Variants in CLUH observed in about 807,000 individuals in gnomAD.
CLUH encodes the protein clustered mitochondria protein homolog.
Under a neutral mutation model 139.3 loss-of-function variants are expected in CLUH, and 77 were observed. The observed-to-expected ratio is 0.55, with a 90% confidence interval of 0.46 to 0.67. The LOEUF (loss-of-function observed/expected upper bound fraction) is 0.67. Among genes scored for constraint, CLUH ranks in the 30% least tolerant of loss-of-function variants. The probability of loss-of-function intolerance (pLI) is 0.00; values close to 1 mark genes in which losing one functional copy is unlikely to be tolerated. For missense variants in CLUH, 1,876 were observed against 1,875.8 expected (o/e 1.00, Z 0.00); for synonymous variants, 999 against 801.6 (o/e 1.25, Z -4.16).
intron 1 of CLUH, among the ~76,000 whole-genome samples, chr17:2,708,530 A>G (rs532251914): frequency 6.6e-6 from 1 of 152,202 alleles, no homozygotes; most frequent in African/African-American, 2.4e-5. Flanking sequence ...AAGGCTAGGA[A>G]GCAGCTGCCC....
chr17:2,695,318 CG>C (rs779068121), intron 14 of CLUH, 38 bp from the exon 15 acceptor site: 14 of 1,613,364 alleles, frequency 8.7e-6, no homozygotes, highest in Non-Finnish European at 1.2e-5. Flanking sequence ...GTCAGGCCCC[CG>C]GCCTCCATCC....
chr17:2,696,173 G>C lies in CLUH; in HGVS notation c.2377C>G (p.Gln793Glu). 1 of 1,562,818 alleles carries C rather than the reference G, an allele frequency of 6.4e-7. No homozygotes were observed. Among genetic ancestry groups the C allele is most frequent in the African/African-American group, 1.4e-5 (1 of 73,812 alleles). The change falls in exon 13 of 26, where the codon CAG becomes GAG. Residue 793 changes from glutamine to glutamate, a missense_variant. This residue lies in a region of CLUH where 1,454 missense variants were observed against 1,384.4 expected (regional missense o/e 1.05). Coordinates refer to ENST00000651024, the MANE Select transcript of CLUH (RefSeq NM_001366661.1). ...KDAAAFLLSC[Q>E]IPGLVKDCME... ...CCCTCCCTCACCAAGCCAGGGATCTGGCAGGAGAGCAGGAAGGCAGCCGCG... is the reference window on the plus strand; with the variant it reads ...CCCTCCCTCACCAAGCCAGGGATCTCGCAGGAGAGCAGGAAGGCAGCCGCG...
Position 2,694,295 on chromosome 17 carries a change from A to C in CLUH, c.2938-19T>G. 6.4e-7 allele frequency: 1 copy of C among 1,568,478 alleles called. No individual in the cohort carries two copies. The highest frequency in any genetic ancestry group is 8.7e-7 in the Non-Finnish European group (1 of 1,155,276). ...GCAGGACCTGGGGGGCAGCCCCCCC[A>C]CCACAGGAAGCCTCAGGCCCAGGTT... On this transcript the variant is annotated intron_variant, in intron 17 of 25. Coordinates refer to ENST00000651024, the MANE Select transcript of CLUH (RefSeq NM_001366661.1).
intron 4 of CLUH, 31 bp downstream of exon 4, chr17:2,701,883 G>A: frequency 1.2e-6 from 2 of 1,612,170 alleles, no homozygotes; most frequent in Non-Finnish European, 1.7e-6. Flanking sequence ...CCGCCCTTTG[G>A]CCCAATCCCC....
At position 2,706,265 on chromosome 17, in the gene CLUH, G is replaced by A. The variant is rs188855185; in HGVS notation, c.101-1701C>T. Among the ~76,000 whole-genome samples, 2 of 152,024 alleles carry A rather than the reference G, an allele frequency of 1.3e-5. No homozygotes were observed. The highest frequency in any genetic ancestry group is 1.9e-4 in the East Asian group (1 of 5,184). On this transcript the variant is annotated intron_variant, in intron 1 of 25. Coordinates refer to ENST00000651024, the MANE Select transcript of CLUH (RefSeq NM_001366661.1). This position sits in a 1 kb window ranked among gnomAD's most constrained non-coding sequence, Gnocchi z 4.6. ...GAGACCGGGGGGCCTGGAGAGAGTCGCTCCCTTTCCCTGGATCCCCACGAG... is the reference window on the plus strand; with the variant it reads ...GAGACCGGGGGGCCTGGAGAGAGTCACTCCCTTTCCCTGGATCCCCACGAG...
At position 2,698,308 on chromosome 17, in the gene CLUH, C is replaced by T. The variant is rs1186998958; in HGVS notation, c.1549G>A (p.Gly517Ser). Residue 517 changes from glycine to serine, a missense_variant, in exon 10 of 26, where the codon GGC becomes AGC. This residue lies in a region of CLUH where 1,454 missense variants were observed against 1,384.4 expected (regional missense o/e 1.05). Coordinates refer to ENST00000651024, the MANE Select transcript of CLUH (RefSeq NM_001366661.1). ...ATGGACTGGGCCGTGACCCGGTAGCCGCGGTAATCCACCACCACCGTGCCC... is the reference window on the plus strand; with the variant it reads ...ATGGACTGGGCCGTGACCCGGTAGCTGCGGTAATCCACCACCACCGTGCCC... ...TLGTVVVDYR[G>S]YRVTAQSIIP... The T allele has an allele frequency of 2.5e-6, 4 of 1,612,562 alleles. No homozygotes were observed. Among genetic ancestry groups the T allele is most frequent in the African/African-American group, 1.3e-5 (1 of 74,904 alleles).
At chr17:2,695,692 GCCAAGAA>G in intron 13 of CLUH, 166 bp from the exon 14 acceptor site, 1 of 954,236 alleles carries the variant, frequency 1.0e-6, no homozygotes, top group Non-Finnish European at 1.5e-6. Flanking sequence ...AGGAGCGCAG[GCCAAGAA>G]CCAAGAGCCC....
In CLUH at chr17:2,689,595, G is replaced by GC. The variant is rs1411901179; in HGVS notation, c.*998dup. 1 of 153,100 alleles carries GC rather than the reference G, an allele frequency of 6.5e-6. No homozygotes were observed. Among genetic ancestry groups the GC allele is most frequent in the Non-Finnish European group, 1.5e-5 (1 of 68,440 alleles). The allele number at this position is 153,100 out of a possible 1,614,324, so 9.5% of individuals were successfully genotyped here. On this transcript the variant is annotated 3_prime_UTR_variant, in exon 26 of 26. Coordinates refer to ENST00000651024, the MANE Select transcript of CLUH (RefSeq NM_001366661.1). ...CCCGTCTCCTCCGGGTCTCAGGGTG[G>GC]CCACATCCTCCCCCACCAGGGCTCT...
rs202134792 is a variant in CLUH at position 2,698,127 on chromosome 17, C to T, written c.1730G>A (p.Arg577His). The change falls in exon 10 of 26, where the codon CGT becomes CAT. Residue 577 changes from arginine (R) to histidine (H), a missense_variant. By Grantham distance (29) the Arg-to-His change is conservative. Coordinates refer to ENST00000651024, the MANE Select transcript of CLUH (RefSeq NM_001366661.1). The stretch of plus-strand genomic sequence containing the variant: ...GGAGCAGAGCTCCACCTCCTCGTCA[C>T]GGTCGTTGAGCACCTGGTGCCGCAG... ...KILRHQVLNDRDEEVELCSSV... is the reference protein window; with the variant it reads ...KILRHQVLNDHDEEVELCSSV... 7.8e-5 allele frequency: 124 copies of T among 1,591,794 alleles called. No homozygotes were observed. The African/African-American group carries it at 1.2e-3, about 16-fold the overall frequency.
rs1446116738 is a variant in CLUH, at chr17:2,703,823, C to T, written c.304-334G>A. ...GCGGGACAGAAGACGGCAGGCTCGCCCCCGGCCTTGCCCAGTGCTAAGGTG... is the reference window on the plus strand; with the variant it reads ...GCGGGACAGAAGACGGCAGGCTCGCTCCCGGCCTTGCCCAGTGCTAAGGTG... On this transcript the variant is annotated intron_variant, in intron 2 of 25. Coordinates refer to ENST00000651024, the MANE Select transcript of CLUH (RefSeq NM_001366661.1). This position sits in a 1 kb window ranked among gnomAD's most constrained non-coding sequence, Gnocchi z 4.2. Among the ~76,000 whole-genome samples, 3 of 152,094 alleles carry T rather than the reference C, an allele frequency of 2.0e-5. No individual in the cohort carries two copies. Among genetic ancestry groups the T allele is most frequent in the Non-Finnish European group, 4.4e-5 (3 of 68,024 alleles).
chr17:2,701,763 GCA>G, intron 4 of CLUH, 26 bp from the exon 5 acceptor site: 1 of 1,559,160 alleles, frequency 6.4e-7, no homozygotes, highest in Non-Finnish European at 8.7e-7. Flanking sequence ...CTGGTGGTCA[GCA>G]CAGGGCCACC....
In CLUH at chr17:2,704,105, A is replaced by C. The variant is rs12952683; in HGVS notation, c.303+257T>G. Among the ~76,000 whole-genome samples the C allele has an allele frequency of 0.53, 80,069 of 151,866 alleles. 22,259 individuals carry two copies. Among genetic ancestry groups the C allele is most frequent in the Non-Finnish European group, 0.62 (42,055 of 67,916 alleles). ...GAGTCCTGGGATGCCAACACTTCCCAGCCACTATCACTCCCCTCCCCACAT... is the reference window on the plus strand; with the variant it reads ...GAGTCCTGGGATGCCAACACTTCCCCGCCACTATCACTCCCCTCCCCACAT... On this transcript the variant is annotated intron_variant, in intron 2 of 25. Transcript: ENST00000651024. The surrounding 1 kb of genome is among the most constrained non-coding windows in gnomAD (Gnocchi z 5.7).
chr17:2,697,401 G>GAA (rs79574930), intron 10 of CLUH, among the ~76,000 whole-genome samples: 34 of 121,764 alleles, frequency 2.8e-4, no homozygotes, highest in African/African-American at 8.7e-4. Flanking sequence ...CTCCGTCTCA[G>GAA]AAAAAAAAAA....
chr17:2,690,435 A>AG lies in CLUH; in HGVS notation c.*158dup. 1.8e-6 allele frequency: 1 copy of AG among 541,810 alleles called. No individual in the cohort carries two copies. Among genetic ancestry groups the AG allele is most frequent in the Non-Finnish European group, 3.0e-6 (1 of 337,452 alleles). The allele number at this position is 541,810 out of a possible 1,614,324, so 33.6% of individuals were successfully genotyped here. ...AGCGCAAAAACACCTTCTGCGGGGCAGGCAGGCCAGGCTCCCAGGAGGACA... is the reference window on the plus strand; with the variant it reads ...AGCGCAAAAACACCTTCTGCGGGGCAGGGCAGGCCAGGCTCCCAGGAGGACA... On this transcript the variant is annotated 3_prime_UTR_variant, in exon 26 of 26. Transcript: ENST00000651024.
In CLUH at chr17:2,697,991, C is replaced by T. The variant is rs769657986; in HGVS notation, c.1866G>A (p.Leu622=). The change falls in exon 10 of 26, where the codon CTG becomes CTA. Residue 622 remains leucine, a synonymous_variant. Transcript: ENST00000651024. ...LNFLPVPGEE[L]PEECARAGFP... ...AGCCGGCGCGGGCGCATTCCTCAGG[C>T]AGCTCCTCGCCAGGCACGGGCAGGA... is the stretch of plus-strand genomic sequence containing the variant. 1.8e-5 allele frequency: 29 copies of T among 1,594,484 alleles called. No homozygotes were observed. Among genetic ancestry groups the T allele is most frequent in the Non-Finnish European group, 2.5e-5 (29 of 1,175,278 alleles).
rs2151713019 is a variant in CLUH at position 2,701,089 on chromosome 17, C to T, written c.1025+51G>A. The T allele has an allele frequency of 4.3e-6, 7 of 1,612,274 alleles. No individual in the cohort carries two copies. The South Asian group carries it at 7.7e-5, about 18-fold the overall frequency. On this transcript the variant is annotated intron_variant, in intron 7 of 25. Transcript: ENST00000651024. ...CTGGAGTGCAGGTGGGCCGGCTCAC[C>T]CCATGCCCCCGTGTGCCATGAGACA... is the stretch of plus-strand genomic sequence containing the variant.
At chr17:2,700,905 C>G in intron 7 of CLUH, 80 bp from the exon 8 acceptor site, 2 of 1,471,856 alleles carry the variant, frequency 1.4e-6, no homozygotes, top group Admixed American at 2.5e-5. Context: ...CTGAGGCCCC[C>G]GCCTGCTCCG....
Position 2,692,662 on chromosome 17 carries a change from T to C in CLUH, c.3347A>G (p.Gln1116Arg). 1 of 1,612,456 alleles carries C rather than the reference T, an allele frequency of 6.2e-7. No individual in the cohort carries two copies. Among genetic ancestry groups the C allele is most frequent in the Non-Finnish European group, 8.5e-7 (1 of 1,179,346 alleles). ...HLALYCFASS[Q>R]LSTALSLLYR... ...CAGCAGGCTCAGGGCGGTGGACAGCTGGCTGCTGGCGAAGCAGTACAGGGC... is the reference window on the plus strand; with the variant it reads ...CAGCAGGCTCAGGGCGGTGGACAGCCGGCTGCTGGCGAAGCAGTACAGGGC... Residue 1116 changes from glutamine (Q) to arginine (R), a missense_variant, in exon 21 of 26, where the codon CAG (glutamine) becomes CGG (arginine). Around this residue, in one of 3 missense-constraint regions of CLUH, gnomAD observed 1,454 missense variants for 1,384.4 expected, o/e 1.05. Transcript: ENST00000651024.
chr17:2,690,629 C>A lies in CLUH; in HGVS notation c.4012G>T (p.Ala1338Ser), dbSNP rs1221343818. ...APGDLGSQPP[A>S]AKDPSPSVQG Reference sequence around the variant, plus strand: ...ACGCTCGGAGAAGGGTCCTTGGCAGCCGGGGGCTGGGAGCCCAGGTCTCCT... The same window carrying A: ...ACGCTCGGAGAAGGGTCCTTGGCAGACGGGGGCTGGGAGCCCAGGTCTCCT... Residue 1338 changes from alanine to serine, a missense_variant, in exon 26 of 26, where the codon GCT becomes TCT. Physicochemically the swap from Ala to Ser is moderately conservative, Grantham distance 99 (BLOSUM62 1). This residue lies in a region of CLUH where 1,454 missense variants were observed against 1,384.4 expected (regional missense o/e 1.05). Coordinates refer to ENST00000651024, the MANE Select transcript of CLUH (RefSeq NM_001366661.1). The A allele has an allele frequency of 6.6e-7, 1 of 1,506,218 alleles. No individual in the cohort carries two copies. Among genetic ancestry groups the A allele is most frequent in the Admixed American group, 2.5e-5 (1 of 40,116 alleles). The allele number at this position is 1,506,218 out of a possible 1,614,324, so 93.3% of individuals were successfully genotyped here.
Sources: gnomAD v4.1 joint callset for allele counts (sites outside exome capture counted in the v4.1 genomes callset) on GRCh38, gnomAD v4.1.1 for gene constraint, gnomAD v4.1.1 regional missense constraint, Gnocchi (gnomAD v3.1) non-coding constraint, MANE v1.5 for transcripts, NCBI Gene and HGNC (gene_info 2026-07-23, HGNC 2026-07-21) for gene names.